Variants in TFDP2 observed in about 807,000 individuals in gnomAD.
TFDP2 encodes transcription factor Dp-2, also known as transcription factor Dp-2 (E2F dimerization partner 2).
A neutral mutation model predicts 59.3 loss-of-function variants in TFDP2; 17 were observed. The ratio of observed to expected loss-of-function variants is 0.29; its 90% CI spans 0.20 to 0.43. The LOEUF is 0.43. Among genes scored for constraint, TFDP2 ranks in the 20% least tolerant of loss-of-function variants. TFDP2 has a pLI of 1.00. For synonymous variants in TFDP2, 180 were observed against 194.7 expected (o/e 0.92, Z 0.63); for missense variants, 391 against 528.8 (o/e 0.74, Z 2.56).
chr3:142,028,042 T>C (rs1231445769), intron 3 of TFDP2, among the ~76,000 whole-genome samples: 1 of 152,080 alleles, frequency 6.6e-6, no homozygotes, highest in South Asian at 2.1e-4. Flanking sequence ...AAAAATGTAC[T>C]AGGGAAAAAA....
Position 141,952,391 on chromosome 3 carries a change from A to G in TFDP2, c.*122T>C, listed in dbSNP as rs1008975766. The G allele has an allele frequency of 1.1e-6, 1 of 888,774 alleles. No individual in the cohort carries two copies. Among genetic ancestry groups the G allele is most frequent in the Non-Finnish European group, 1.6e-6 (1 of 610,700 alleles). The allele number at this position is 888,774 out of a possible 1,614,324, so 55.1% of individuals were successfully genotyped here. ...TGTGATTTGCTTATTGTGTTTCTCT[A>G]GTTTTCACTGAACACACAGTGCAAA... is the stretch of plus-strand genomic sequence containing the variant. On this transcript the variant is annotated 3_prime_UTR_variant, in exon 13 of 13. Transcript: ENST00000489671.
chr3:141,982,978 G>C (rs948839058), intron 6 of TFDP2, among the ~76,000 whole-genome samples: 1 of 152,150 alleles, frequency 6.6e-6, no homozygotes, highest in Non-Finnish European at 1.5e-5. Flanking sequence ...AAGTTGTGAG[G>C]ATGAAATGCA....
intron 1 of TFDP2, among the ~76,000 whole-genome samples, chr3:142,135,345 T>C (rs2062684467): frequency 6.6e-6 from 1 of 152,148 alleles, no homozygotes; most frequent in South Asian, 2.1e-4. Flanking sequence ...ACCTTAAAAC[T>C]ATATGTCATT....
chr3:142,086,924 T>C (rs1326347630), intron 3 of TFDP2, among the ~76,000 whole-genome samples: 2 of 152,198 alleles, frequency 1.3e-5, no homozygotes, highest in Non-Finnish European at 2.9e-5. Flanking sequence ...CTGAGGGATT[T>C]AGGAGCTCTG....
chr3:142,072,034 T>C (rs1197497424), intron 3 of TFDP2, among the ~76,000 whole-genome samples: 1 of 151,688 alleles, frequency 6.6e-6, no homozygotes, highest in Non-Finnish European at 1.5e-5. Context: ...ATACACAAGG[T>C]GAGAAGAAAA....
intron 3 of TFDP2, among the ~76,000 whole-genome samples, chr3:142,022,103 A>T (rs1283870094): frequency 1.3e-5 from 2 of 152,198 alleles, no homozygotes; most frequent in Non-Finnish European, 2.9e-5. Context: ...GAGGAAGTTT[A>T]CTGTATGTCC....
chr3:142,067,904 T>G lies in TFDP2; in HGVS notation c.82+25157A>C, dbSNP rs573106535. Among the ~76,000 whole-genome samples, 88 of 150,494 alleles carry G rather than the reference T, an allele frequency of 5.8e-4. No homozygotes were observed. The South Asian group carries it at 0.012, about 20-fold the overall frequency. On this transcript the variant is annotated intron_variant, in intron 3 of 12. Coordinates refer to ENST00000489671, the MANE Select transcript of TFDP2 (RefSeq NM_001178139.2). Reference sequence around the variant, plus strand: ...CTATAGTTCCAGGTACTTGGGAAGCTGAGGTGAGGAGATTACCTGAGCCCA... The same window carrying G: ...CTATAGTTCCAGGTACTTGGGAAGCGGAGGTGAGGAGATTACCTGAGCCCA...
At chr3:142,039,824 CT>C (rs1306502193) in intron 3 of TFDP2, among the ~76,000 whole-genome samples, 2 of 152,070 alleles carry the variant, frequency 1.3e-5, no homozygotes, top group African/African-American at 4.8e-5. Flanking sequence ...CATGATGGGA[CT>C]GAGGAAAGCC....
chr3:141,975,673 G>A (rs1335593057), intron 7 of TFDP2, among the ~76,000 whole-genome samples: 2 of 138,276 alleles, frequency 1.4e-5, no homozygotes, highest in African/African-American at 5.6e-5. Context: ...CAGTCTGGGT[G>A]ACAGAGCTAG....
chr3:142,122,697 G>A (rs1048093265), intron 1 of TFDP2, among the ~76,000 whole-genome samples: 6 of 152,114 alleles, frequency 3.9e-5, no homozygotes, highest in African/African-American at 1.2e-4. Flanking sequence ...TGGCCACAGG[G>A]ACACCTCTGG....
chr3:142,042,648 T>TAC (rs1947056437), intron 3 of TFDP2, among the ~76,000 whole-genome samples: 1 of 145,638 alleles, frequency 6.9e-6, no homozygotes, highest in African/African-American at 2.6e-5. Context: ...TTTTTTTTTT[T>TAC]TTACCATTTA....
intron 6 of TFDP2, among the ~76,000 whole-genome samples, chr3:141,982,024 C>G (rs1419629097): frequency 6.6e-6 from 1 of 152,150 alleles, no homozygotes; most frequent in African/African-American, 2.4e-5. Flanking sequence ...TCCTAATCAG[C>G]ACTGTCCAAT....
At chr3:142,020,772 C>T (rs1945525313) in intron 3 of TFDP2, among the ~76,000 whole-genome samples, 1 of 151,338 alleles carries the variant, frequency 6.6e-6, no homozygotes, top group East Asian at 1.9e-4. Context: ...TTGCTTGAGT[C>T]CAGGAATTCA....
At chr3:142,078,585 A>G (rs1490544677) in intron 3 of TFDP2, among the ~76,000 whole-genome samples, 2 of 152,156 alleles carry the variant, frequency 1.3e-5, no homozygotes, top group Non-Finnish European at 1.5e-5. Flanking sequence ...GGTTTAAGGT[A>G]CCCCCTAATG....
chr3:141,998,507 C>T (rs1382571345), intron 4 of TFDP2, among the ~76,000 whole-genome samples: 2 of 152,108 alleles, frequency 1.3e-5, no homozygotes, highest in African/African-American at 2.4e-5. Context: ...ATCCCAGCTA[C>T]TCAGGAGGCT....
At chr3:142,039,170 T>C (rs1356208668) in intron 3 of TFDP2, among the ~76,000 whole-genome samples, 1 of 152,256 alleles carries the variant, frequency 6.6e-6, no homozygotes, top group African/African-American at 2.4e-5. Context: ...GTTTAATTAC[T>C]AGTGAAGTTG....
chr3:141,967,000 T>TCC (rs777424663), intron 9 of TFDP2, among the ~76,000 whole-genome samples: 33 of 148,360 alleles, frequency 2.2e-4, no homozygotes, highest in Admixed American at 4.0e-4. Flanking sequence ...CACTGCAACC[T>TCC]CCGCCTCCCG....
Position 141,970,059 on chromosome 3 carries a change from C to T in TFDP2, c.732+14G>A, listed in dbSNP as rs1939479480. ...GAAACAGGGAAGGTAATGAAAACAT[C>T]TCGGTATCTTTACCTGTAGGAGAAG... is the stretch of plus-strand genomic sequence containing the variant. On this transcript the variant is annotated intron_variant, in intron 9 of 12. Transcript: ENST00000489671. The T allele has an allele frequency of 1.9e-6, 3 of 1,611,888 alleles. No homozygotes were observed. The East Asian group carries it at 6.7e-5, about 36-fold the overall frequency.
intron 1 of TFDP2, among the ~76,000 whole-genome samples, chr3:142,123,103 A>C (rs759824327): frequency 1.3e-5 from 2 of 152,016 alleles, no homozygotes; most frequent in African/African-American, 4.8e-5. Context: ...CTGAAATTAC[A>C]GGCGCGCACC....
Sources: allele counts gnomAD v4.1 joint callset (sites outside exome capture counted in the v4.1 genomes callset), GRCh38; gene constraint gnomAD v4.1.1; transcripts MANE v1.5; gene names NCBI Gene and HGNC (gene_info 2026-07-23, HGNC 2026-07-21).